REEP3: variants seen among roughly 807,000 people sequenced by gnomAD.
The protein encoded by REEP3 is receptor accessory protein 3, also known as receptor expression-enhancing protein 3.
A neutral mutation model predicts 41.3 loss-of-function variants in REEP3; 20 were observed. The ratio of observed to expected loss-of-function variants is 0.48; its 90% CI spans 0.34 to 0.70. The LOEUF is 0.70. Ranked by LOEUF, REEP3 falls within the 30% of genes least tolerant of loss-of-function variation. The pLI, the probability that REEP3 is intolerant of heterozygous loss-of-function variation, is 0.01. For synonymous variants in REEP3, 104 were observed against 101.8 expected (o/e 1.02, Z -0.13); for missense variants, 271 against 308.8 (o/e 0.88, Z 0.92).
intron 2 of REEP3, among the ~76,000 whole-genome samples, chr10:63,592,619 G>A (rs910461571): frequency 2.0e-5 from 3 of 152,254 alleles, no homozygotes; most frequent in African/African-American, 7.2e-5. Flanking sequence ...GGCCGGGCGC[G>A]GTGGCTCATG....
intron 2 of REEP3, among the ~76,000 whole-genome samples, chr10:63,590,941 T>C (rs1956056358): frequency 6.6e-6 from 1 of 152,234 alleles, no homozygotes; most frequent in Admixed American, 6.5e-5. Flanking sequence ...AATTACTGAC[T>C]TCTATTTACA....
intron 1 of REEP3, among the ~76,000 whole-genome samples, chr10:63,552,930 C>T (rs1392311434): frequency 6.6e-6 from 1 of 152,206 alleles, no homozygotes; most frequent in Non-Finnish European, 1.5e-5. Context: ...AAGTTCCCAC[C>T]TCTCTGATTT....
chr10:63,569,510 C>A (rs1955834294), intron 2 of REEP3, among the ~76,000 whole-genome samples: 1 of 149,868 alleles, frequency 6.7e-6, no homozygotes. Flanking sequence ...AAGCTAAGTA[C>A]AAATTTTAAA....
chr10:63,550,904 C>T (rs768218629), intron 1 of REEP3, among the ~76,000 whole-genome samples: 2 of 152,126 alleles, frequency 1.3e-5, no homozygotes, highest in South Asian at 2.1e-4. Context: ...TTATTTAATA[C>T]AAGGGTTCAC....
intron 2 of REEP3, among the ~76,000 whole-genome samples, chr10:63,578,728 G>T (rs1589874176): frequency 6.6e-6 from 1 of 152,140 alleles, no homozygotes; most frequent in African/African-American, 2.4e-5. Context: ...AGTGAGCCAA[G>T]ATCATGCCAC....
intron 1 of REEP3, among the ~76,000 whole-genome samples, chr10:63,525,315 G>C (rs907177939): frequency 5.3e-5 from 8 of 152,064 alleles, no homozygotes; most frequent in African/African-American, 1.9e-4. Context: ...AAGCTCTTTT[G>C]TCCAGCCTTA....
chr10:63,564,321 G>A (rs1412374643), intron 1 of REEP3, among the ~76,000 whole-genome samples: 1 of 152,100 alleles, frequency 6.6e-6, no homozygotes, highest in Non-Finnish European at 1.5e-5. Flanking sequence ...AAATTTGCTG[G>A]TATTCAGAAA....
At position 63,591,806 on chromosome 10, in the gene REEP3, C is replaced by T. The variant is rs531299638; in HGVS notation, c.106-2972C>T. Among the ~76,000 whole-genome samples the T allele has an allele frequency of 2.6e-5, 4 of 152,284 alleles. No homozygotes were observed. The East Asian group carries it at 5.8e-4, about 22-fold the overall frequency. ...AGCAGCTCTAATTCATTCCACAATT[C>T]GTCATTCAGGGAATGTCAGCAAATG... On this transcript the variant is annotated intron_variant, in intron 2 of 7. Transcript: ENST00000373758.
intron 1 of REEP3, among the ~76,000 whole-genome samples, chr10:63,556,726 C>G (rs1955690141): frequency 7.0e-6 from 1 of 143,592 alleles, no homozygotes; most frequent in Non-Finnish European, 1.5e-5. Flanking sequence ...AGCTCCGCCT[C>G]CCGGGTTCAC....
At chr10:63,617,697 ACCCCAG>A (rs1956321762) in intron 6 of REEP3, among the ~76,000 whole-genome samples, 1 of 930 alleles carries the variant, frequency 1.1e-3, no homozygotes, top group African/African-American at 3.2e-3. Context: ...ACCAAAGCCC[ACCCCAG>A]TTTTATTTTT....
intron 6 of REEP3, among the ~76,000 whole-genome samples, chr10:63,615,685 C>G (rs1032689507): frequency 2.6e-5 from 4 of 151,964 alleles, no homozygotes; most frequent in Admixed American, 2.6e-4. Context: ...GCTGGGATTA[C>G]AGGCACGTGC....
rs532236595 is a variant in REEP3, at chr10:63,603,185, T to C, written c.417+3902T>C. On this transcript the variant is annotated intron_variant, in intron 5 of 7. Transcript: ENST00000373758. ...AAAATTAGGTGGGCGTGGTGGTGGGTGCCTGTAGTCCCAGCAACTCGGGAG... is the reference window on the plus strand; with the variant it reads ...AAAATTAGGTGGGCGTGGTGGTGGGCGCCTGTAGTCCCAGCAACTCGGGAG... Among the ~76,000 whole-genome samples, 60 of 151,550 alleles carry C rather than the reference T, an allele frequency of 4.0e-4. 1 individual carries two copies. Among genetic ancestry groups the C allele is most frequent in the South Asian group, 1.0e-3 (5 of 4,774 alleles).
chr10:63,593,008 C>T (rs1434754074), intron 2 of REEP3, among the ~76,000 whole-genome samples: 1 of 150,044 alleles, frequency 6.7e-6, no homozygotes, highest in Admixed American at 6.7e-5. Context: ...GCATCATTTC[C>T]TCTTTTAGAA....
intron 1 of REEP3, among the ~76,000 whole-genome samples, chr10:63,547,177 C>A (rs1210742288): frequency 6.6e-6 from 1 of 152,150 alleles, no homozygotes; most frequent in Non-Finnish European, 1.5e-5. Context: ...GCCTCAGCCT[C>A]CCAAAGTGCT....
intron 2 of REEP3, among the ~76,000 whole-genome samples, chr10:63,591,127 GTT>G (rs5785582): frequency 0.038 from 5,227 of 135,902 alleles, 289 homozygotes; most frequent in East Asian, 0.3. Flanking sequence ...TTTTGTTTTT[GTT>G]TTTTTTTTTT....
At position 63,619,765 on chromosome 10, in the gene REEP3, A is replaced by G. The variant is rs1956338957; in HGVS notation, c.676A>G (p.Met226Val). 1 of 1,610,434 alleles carries G rather than the reference A, an allele frequency of 6.2e-7. No homozygotes were observed. The highest frequency in any genetic ancestry group is 8.5e-7 in the Non-Finnish European group (1 of 1,178,318). Residue 226 changes from methionine to valine, a missense_variant, in exon 7 of 8, where the codon ATG (methionine) becomes GTG (valine). Coordinates refer to ENST00000373758, the MANE Select transcript of REEP3 (RefSeq NM_001001330.3). ...THKGLRRSQS[M>V]KSVKTTKGRK... ...CAAAGGGCTTCGAAGATCGCAAAGCATGAAATCTGTGAAAACCACCAAAGG... is the reference window on the plus strand; with the variant it reads ...CAAAGGGCTTCGAAGATCGCAAAGCGTGAAATCTGTGAAAACCACCAAAGG...
chr10:63,547,951 A>G (rs1405545978), intron 1 of REEP3, among the ~76,000 whole-genome samples: 1 of 152,208 alleles, frequency 6.6e-6, no homozygotes, highest in Non-Finnish European at 1.5e-5. Flanking sequence ...ATTCTGTACA[A>G]AGAATGCCTA....
rs376009971 is a variant in REEP3, at chr10:63,609,451, C to CA, written c.418-719dup. Among the ~76,000 whole-genome samples, 569 of 81,110 alleles carry CA rather than the reference C, an allele frequency of 7.0e-3. 1 individual carries two copies. Among genetic ancestry groups the CA allele is most frequent in the African/African-American group, 0.016 (369 of 22,606 alleles). The allele number at this position is 81,110 out of a possible 152,430, so 53.2% of individuals were successfully genotyped here. On this transcript the variant is annotated intron_variant, in intron 5 of 7. Coordinates refer to ENST00000373758, the MANE Select transcript of REEP3 (RefSeq NM_001001330.3). ...TGGGCGACAAAGCGAGACTCTGTCT[C>CA]AAAAAAAAAAAAAAAAAGTTGCCCT...
At chr10:63,570,098 C>T (rs998860937) in intron 2 of REEP3, among the ~76,000 whole-genome samples, 1 of 151,300 alleles carries the variant, frequency 6.6e-6, no homozygotes, top group African/African-American at 2.4e-5. Flanking sequence ...GTTTTATTAC[C>T]CCTGATACAA....
Sources: allele counts gnomAD v4.1 joint callset (sites outside exome capture counted in the v4.1 genomes callset), GRCh38; gene constraint gnomAD v4.1.1; transcripts MANE v1.5; gene names NCBI Gene and HGNC (gene_info 2026-07-23, HGNC 2026-07-21).